Variants in CACNA1A observed in about 807,000 individuals in gnomAD.
CACNA1A encodes voltage-dependent P/Q-type calcium channel subunit alpha-1A.
Under a neutral mutation model 262.4 loss-of-function variants are expected in CACNA1A, and 57 were observed. That is an observed-to-expected ratio of 0.22 (90% CI 0.18 to 0.27). The LOEUF is 0.27. Among genes scored for constraint, CACNA1A ranks in the 10% least tolerant of loss-of-function variants. CACNA1A has a pLI of 1.00. For missense variants in CACNA1A, 2,526 were observed against 3,562.8 expected, an observed-to-expected ratio of 0.71 and a Z score of 7.41; for synonymous variants, 1,431 against 1,419.3, an observed-to-expected ratio of 1.01 and a Z score of -0.18.
intron 7 of CACNA1A, 87 bp downstream of exon 7, chr19:13,335,719 T>G: frequency 1.1e-6 from 1 of 889,736 alleles, no homozygotes; most frequent in East Asian, 2.6e-5. Context: ...GTCTAGTGAA[T>G]GAAAACAAAG....
chr19:13,483,107 A>G (rs1405783030), intron 1 of CACNA1A, among the ~76,000 whole-genome samples: 5 of 151,948 alleles, frequency 3.3e-5, no homozygotes, highest in Non-Finnish European at 7.4e-5. Flanking sequence ...TGCAGGCAGA[A>G]GTAAGGTTCA....
At chr19:13,469,071 G>A (rs1367652513) in intron 1 of CACNA1A, among the ~76,000 whole-genome samples, 3 of 152,098 alleles carry the variant, frequency 2.0e-5, no homozygotes, top group Admixed American at 6.5e-5. Flanking sequence ...AGCAGGTGTA[G>A]CCAAGAAGGC....
rs1439845382 is a variant in CACNA1A at position 13,298,825 on chromosome 19, C to A, written c.2808G>T (p.Gln936His). The A allele has an allele frequency of 6.3e-7, 1 of 1,575,178 alleles. No homozygotes were observed. Among genetic ancestry groups the A allele is most frequent in the Non-Finnish European group, 8.5e-7 (1 of 1,170,700 alleles). The change falls in exon 19 of 47, where the codon CAG (glutamine) becomes CAT (histidine). Residue 936 changes from glutamine (Q) to histidine (H), a missense_variant. Around this residue, in one of 17 missense-constraint regions of CACNA1A, gnomAD observed 765 missense variants for 748.6 expected, o/e 1.02. Coordinates refer to ENST00000360228, the MANE Select transcript of CACNA1A (RefSeq NM_001127222.2). ...CGCTGCGGCTCTCCCTGCTGCCCCC[C>A]TGCCGGTGCACGTGCCTCCGGTGGG... The part of the protein sequence containing the change: ...GDPHRRHVHR[Q>H]GGSRESRSGS...
chr19:13,295,200 A>T (rs1377588852), intron 19 of CACNA1A, among the ~76,000 whole-genome samples: 1 of 152,212 alleles, frequency 6.6e-6, no homozygotes, highest in Non-Finnish European at 1.5e-5. Flanking sequence ...GAATGCATAA[A>T]CCCATAGGAG....
At position 13,411,127 on chromosome 19, in the gene CACNA1A, C is replaced by T. The variant is rs1415229243; in HGVS notation, c.540-39348G>A. 2.0e-5 allele frequency among the ~76,000 whole-genome samples: 3 copies of T among 152,268 alleles called. No homozygotes were observed. In the South Asian group the frequency reaches 6.2e-4, roughly 32 times the overall value. ...TTTCCTTTGCCATTACTTTTAATGGCAAAACCGCAATTACTTTTGCACCAA... is the reference window on the plus strand; with the variant it reads ...TTTCCTTTGCCATTACTTTTAATGGTAAAACCGCAATTACTTTTGCACCAA... On this transcript the variant is annotated intron_variant, in intron 3 of 46. Coordinates refer to ENST00000360228, the MANE Select transcript of CACNA1A (RefSeq NM_001127222.2).
intron 1 of CACNA1A, among the ~76,000 whole-genome samples, chr19:13,489,819 A>T (rs1186771688): frequency 2.6e-5 from 4 of 152,014 alleles, no homozygotes; most frequent in African/African-American, 9.7e-5. Context: ...GATCACCCTA[A>T]ATCAAGCCCA....
At position 13,435,174 on chromosome 19, in the gene CACNA1A, C is replaced by T. The variant is rs928058017; in HGVS notation, c.539+17702G>A. Among the ~76,000 whole-genome samples the T allele has an allele frequency of 4.0e-5, 6 of 151,680 alleles. No homozygotes were observed. The South Asian group carries it at 8.3e-4, about 21-fold the overall frequency. On this transcript the variant is annotated intron_variant, in intron 3 of 46. Transcript: ENST00000360228. Reference sequence around the variant, plus strand: ...TGTCTCCCAGGCTGGAGTGCAGTGGCGCAATCTTGGCTCACTGCAACCTCT... The same window carrying T: ...TGTCTCCCAGGCTGGAGTGCAGTGGTGCAATCTTGGCTCACTGCAACCTCT...
At chr19:13,497,928 A>C (rs1217177366) in intron 1 of CACNA1A, among the ~76,000 whole-genome samples, 1 of 152,000 alleles carries the variant, frequency 6.6e-6, no homozygotes, top group Non-Finnish European at 1.5e-5. Flanking sequence ...ATTTGCAGCC[A>C]GGGTGGACTG....
chr19:13,445,357 A>G (rs954113554), intron 3 of CACNA1A, among the ~76,000 whole-genome samples: 4 of 152,164 alleles, frequency 2.6e-5, no homozygotes, highest in Admixed American at 2.6e-4. Flanking sequence ...TCTGTCTTAT[A>G]TCTCATCTGA....
At chr19:13,405,087 G>A (rs2144712158) in intron 3 of CACNA1A, among the ~76,000 whole-genome samples, 1 of 152,034 alleles carries the variant, frequency 6.6e-6, no homozygotes, top group East Asian at 1.9e-4. Context: ...TAGTAGATGG[G>A]GTTTCACCAT....
Position 13,506,174 on chromosome 19 carries a change from G to A in CACNA1A, c.51C>T (p.Ser17=), listed in dbSNP as rs1196910511. Residue 17 remains serine, a synonymous_variant, in exon 1 of 47, where the codon TCC becomes TCT. Transcript: ENST00000360228. ...CCACGACCACCCCGGCGGCTGCCCC[G>A]GAGCCTCCTCCCCCGTAGCGGGCCG... ...EMPARYGGGG[S]GAAAGVVVGS... is the part of the protein sequence containing the mutation. 4 of 1,533,216 alleles carry A rather than the reference G, an allele frequency of 2.6e-6. No individual in the cohort carries two copies. Among genetic ancestry groups the A allele is most frequent in the South Asian group, 1.2e-5 (1 of 80,506 alleles). 95.0% of individuals were successfully genotyped at this position (1,533,216 alleles called of 1,614,324 possible).
intron 5 of CACNA1A, among the ~76,000 whole-genome samples, chr19:13,360,265 G>GTGTGTATATATATATATATATATATA (rs941666561): frequency 1.6e-5 from 2 of 124,202 alleles, no homozygotes; most frequent in Admixed American, 8.5e-5. Flanking sequence ...GTGTGTGTGT[G>GTGTGTATATATATATATATATATATA]TATATATATA....
At chr19:13,306,316 T>C (rs188679583) in intron 15 of CACNA1A, among the ~76,000 whole-genome samples, 2 of 152,284 alleles carry the variant, frequency 1.3e-5, no homozygotes, top group Non-Finnish European at 2.9e-5. Flanking sequence ...TTTGGGTTGA[T>C]CACCCTGGAA....
rs59537955 is a variant in CACNA1A at position 13,228,369 on chromosome 19, G to C, written c.5529-842C>G. 4.5e-3 allele frequency among the ~76,000 whole-genome samples: 683 copies of C among 151,876 alleles called. 6 individuals are homozygous for C. Among genetic ancestry groups the C allele is most frequent in the African/African-American group, 0.015 (615 of 41,368 alleles). On this transcript the variant is annotated intron_variant, in intron 36 of 46. Coordinates refer to ENST00000360228, the MANE Select transcript of CACNA1A (RefSeq NM_001127222.2). ...GGGGAGAGAGTGGAGGTGATGGTTG[G>C]GGGAGAAATGCAAAGTTACAATCCC...
intron 3 of CACNA1A, among the ~76,000 whole-genome samples, chr19:13,413,342 G>A (rs960379962): frequency 1.3e-4 from 19 of 151,012 alleles, no homozygotes; most frequent in South Asian, 6.3e-4. Flanking sequence ...TCCTGACCTC[G>A]TGATCCGCCC....
At chr19:13,257,095 G>T (rs1417596577) in intron 28 of CACNA1A, 1 of 310,124 alleles carries the variant, frequency 3.2e-6, no homozygotes, top group Non-Finnish European at 6.0e-6. Flanking sequence ...TCCCTTTGTG[G>T]ATATTTGGCA....
intron 19 of CACNA1A, among the ~76,000 whole-genome samples, chr19:13,294,219 A>C (rs202007166): frequency 1.6e-4 from 23 of 143,986 alleles, no homozygotes; most frequent in South Asian, 1.1e-3. Context: ...AAAAAAAAAA[A>C]CAAACAAAAC....
intron 31 of CACNA1A, chr19:13,243,902 C>T (rs1472866677): frequency 6.6e-6 from 1 of 152,450 alleles, no homozygotes; most frequent in Non-Finnish European, 1.5e-5. Context: ...CACCCTCTTC[C>T]TCAGGCCCGA....
intron 46 of CACNA1A, 95 bp from the exon 47 acceptor site, chr19:13,208,148 G>A: frequency 2.9e-6 from 1 of 349,860 alleles, no homozygotes; most frequent in Non-Finnish European, 4.1e-6. Flanking sequence ...AGCGAAGGGA[G>A]AGGGGCCGGG....
Sources: allele counts gnomAD v4.1 joint callset (sites outside exome capture counted in the v4.1 genomes callset), GRCh38; gene constraint gnomAD v4.1.1; regional missense constraint gnomAD v4.1.1; transcripts MANE v1.5; gene names NCBI Gene and HGNC (gene_info 2026-07-23, HGNC 2026-07-21).